Variants in TRAK1 observed in about 807,000 individuals in gnomAD.
The protein encoded by TRAK1 is trafficking kinesin-binding protein 1.
A neutral mutation model predicts 92.1 loss-of-function variants in TRAK1; 33 were observed. That is an observed-to-expected ratio of 0.36 (90% CI 0.27 to 0.48). The LOEUF (loss-of-function observed/expected upper bound fraction) is 0.48. Among genes scored for constraint, TRAK1 ranks in the 20% least tolerant of loss-of-function variants. TRAK1 has a pLI of 0.99. For missense variants in TRAK1, 1,123 were observed against 1,257.9 expected (o/e 0.89, Z 1.62); for synonymous variants, 521 against 517.3 (o/e 1.01, Z -0.10).
intron 1 of TRAK1, among the ~76,000 whole-genome samples, chr3:42,055,716 G>A (rs937557752): frequency 7.9e-5 from 12 of 152,020 alleles, no homozygotes; most frequent in African/African-American, 1.2e-4. Context: ...CTCCTTCCTC[G>A]CCTGCCAAAG....
In TRAK1 at chr3:42,200,789, C is replaced by T. The variant is rs542053162; in HGVS notation, c.1191-29C>T. On this transcript the variant is annotated intron_variant, in intron 11 of 15. Coordinates refer to ENST00000327628, the MANE Select transcript of TRAK1 (RefSeq NM_001042646.3). ...CTCCAGGGTTGTGCCCGCATTTGCT[C>T]ACTCACGGATGCCGTGCATTCTCCC... is the stretch of plus-strand genomic sequence containing the variant. 66 of 1,610,474 alleles carry T rather than the reference C, an allele frequency of 4.1e-5. No homozygotes were observed. The East Asian group carries it at 1.4e-3, about 34-fold the overall frequency.
In TRAK1 at chr3:42,055,842, CA is replaced by C. The variant is rs66715182; in HGVS notation, c.-518-31260del. The stretch of plus-strand genomic sequence containing the variant: ...ATTAGCAGTTACTCCCCATTTCCCC[CA>C]ATCCTCTAGCCCCAGGCAACTACTA... On this transcript the variant is annotated intron_variant, in intron 1 of 16. Coordinates refer to the TRAK1 transcript ENST00000487159. Among the ~76,000 whole-genome samples the C allele has an allele frequency of 6.2e-3, 950 of 152,286 alleles. 6 individuals carry two copies. Among genetic ancestry groups the C allele is most frequent in the African/African-American group, 0.022 (897 of 41,552 alleles).
chr3:42,046,894 GTATT>G (rs1702771814), intron 1 of TRAK1, among the ~76,000 whole-genome samples: 1 of 151,984 alleles, frequency 6.6e-6, no homozygotes, highest in South Asian at 2.1e-4. Context: ...ATGAGCTTTG[GTATT>G]TATTTCCTGA....
chr3:42,219,423 C>T, intron 14 of TRAK1, 71 bp from the exon 15 acceptor site: 1 of 1,611,458 alleles, frequency 6.2e-7, no homozygotes, highest in South Asian at 1.1e-5. Context: ...TGTTGAGTGA[C>T]ATGCTGGATT....
chr3:42,031,404 C>A (rs1166833522), intron 1 of TRAK1, among the ~76,000 whole-genome samples: 1 of 151,512 alleles, frequency 6.6e-6, no homozygotes, highest in African/African-American at 2.4e-5. Context: ...GCCTGTAATC[C>A]CAGCACTTTG....
At chr3:42,082,514 G>C (rs1704485834), upstream of TRAK1, among the ~76,000 whole-genome samples, 1 of 152,054 alleles carries the variant, frequency 6.6e-6, no homozygotes, top group Non-Finnish European at 1.5e-5. Flanking sequence ...AGAATTGCTT[G>C]AACCTAGGAG....
At chr3:42,127,378 G>A (rs1256208064) in intron 2 of TRAK1, among the ~76,000 whole-genome samples, 1 of 149,112 alleles carries the variant, frequency 6.7e-6, no homozygotes, top group African/African-American at 2.5e-5. Flanking sequence ...GTTGAGACAG[G>A]GTTTTGCTCT....
At chr3:42,086,216 T>C (rs1471145898), upstream of TRAK1, among the ~76,000 whole-genome samples, 3 of 152,208 alleles carry the variant, frequency 2.0e-5, no homozygotes, top group Non-Finnish European at 4.4e-5. Context: ...GCAGCCTATG[T>C]CACATGCCAT....
At chr3:42,186,754 T>TC (rs1354405591) in intron 4 of TRAK1, among the ~76,000 whole-genome samples, 1 of 152,168 alleles carries the variant, frequency 6.6e-6, no homozygotes, top group Non-Finnish European at 1.5e-5. Flanking sequence ...ATGCCTTTTT[T>TC]CCCCCTTGGA....
chr3:42,149,956 G>A (rs1479548598), intron 2 of TRAK1, among the ~76,000 whole-genome samples: 1 of 152,126 alleles, frequency 6.6e-6, no homozygotes, highest in South Asian at 2.1e-4. Flanking sequence ...TGTTCACTGC[G>A]CTCTTGCTGT....
At chr3:42,025,872 T>G (rs1013580929) in intron 1 of TRAK1, among the ~76,000 whole-genome samples, 12 of 152,176 alleles carry the variant, frequency 7.9e-5, no homozygotes, top group Non-Finnish European at 1.3e-4. Flanking sequence ...ACTTCCCACA[T>G]ATGGCATGAT....
At chr3:42,121,759 A>G (rs537446365) in intron 1 of TRAK1, among the ~76,000 whole-genome samples, 5 of 152,312 alleles carry the variant, frequency 3.3e-5, no homozygotes, top group East Asian at 3.9e-4. Flanking sequence ...CCTTTAAAGC[A>G]TCTGAAAATT....
At chr3:42,040,035 G>A (rs1424959114) in intron 1 of TRAK1, among the ~76,000 whole-genome samples, 1 of 148,456 alleles carries the variant, frequency 6.7e-6, no homozygotes, top group African/African-American at 2.6e-5. Flanking sequence ...GTCTATTCAG[G>A]TCCTTTGCCT....
chr3:42,142,000 G>A (rs1698724561), intron 2 of TRAK1, among the ~76,000 whole-genome samples: 1 of 152,192 alleles, frequency 6.6e-6, no homozygotes, highest in Non-Finnish European at 1.5e-5. Flanking sequence ...AGCCGGGCAT[G>A]GTGGCGCATG....
At chr3:42,136,915 T>C (rs944178341) in intron 2 of TRAK1, among the ~76,000 whole-genome samples, 3 of 152,118 alleles carry the variant, frequency 2.0e-5, no homozygotes, top group African/African-American at 7.2e-5. Context: ...ACTCCTGACC[T>C]CAGGTGATCC....
chr3:42,137,427 C>G (rs1003387350), intron 2 of TRAK1, among the ~76,000 whole-genome samples: 39 of 152,190 alleles, frequency 2.6e-4, no homozygotes, highest in Admixed American at 2.6e-3. Context: ...GGAGGGATGT[C>G]TTACCTCTTT....
intron 2 of TRAK1, among the ~76,000 whole-genome samples, chr3:42,137,545 C>T (rs935465260): frequency 1.3e-5 from 2 of 152,182 alleles, no homozygotes; most frequent in Admixed American, 6.5e-5. Flanking sequence ...CATATCATTT[C>T]AAGAAAGATG....
chr3:42,050,774 C>T (rs1054781307), intron 1 of TRAK1, among the ~76,000 whole-genome samples: 3 of 152,172 alleles, frequency 2.0e-5, no homozygotes, highest in Non-Finnish European at 4.4e-5. Flanking sequence ...TCTCCTGCCT[C>T]AGCCTTCTGA....
intron 1 of TRAK1, among the ~76,000 whole-genome samples, chr3:42,044,436 A>G (rs1166363116): frequency 2.0e-5 from 3 of 152,222 alleles, no homozygotes; most frequent in Non-Finnish European, 4.4e-5. Context: ...TGCTGGGAAT[A>G]CAGAAGTGAG....
Sources: allele counts gnomAD v4.1 joint callset (sites outside exome capture counted in the v4.1 genomes callset), GRCh38; gene constraint gnomAD v4.1.1; transcripts MANE v1.5; gene names NCBI Gene and HGNC (gene_info 2026-07-23, HGNC 2026-07-21).